Variants in KALRN observed in about 807,000 individuals in gnomAD.
The protein encoded by KALRN is kalirin RhoGEF kinase, also known as kalirin.
KALRN carries 70 observed loss-of-function variants against 353.7 expected under a neutral mutation model. The ratio of observed to expected loss-of-function variants is 0.20; its 90% CI spans 0.16 to 0.24. The LOEUF (loss-of-function observed/expected upper bound fraction) is 0.24, where lower values mean the gene tolerates loss of function less well. Among genes scored for constraint, KALRN ranks in the 10% least tolerant of loss-of-function variants. The probability of loss-of-function intolerance (pLI) is 1.00; values close to 1 mark genes in which losing one functional copy is unlikely to be tolerated. For synonymous variants in KALRN, 1,391 were observed against 1,434.8 expected, an observed-to-expected ratio of 0.97 and a Z score of 0.69; for missense variants, 2,791 against 3,756.7, an observed-to-expected ratio of 0.74 and a Z score of 6.72.
intron 1 of KALRN, among the ~76,000 whole-genome samples, chr3:124,155,736 ATTAC>A (rs1424598129): frequency 2.0e-5 from 3 of 152,198 alleles, no homozygotes; most frequent in African/African-American, 7.2e-5. Flanking sequence ...GAAAATGATT[ATTAC>A]TTTGTCTAAT....
At chr3:124,423,957 G>A (rs887319107) in intron 15 of KALRN, among the ~76,000 whole-genome samples, 36 of 152,326 alleles carry the variant, frequency 2.4e-4, no homozygotes, top group Non-Finnish European at 3.5e-4. Flanking sequence ...AAAGGTGGGG[G>A]TGAAGAAGTA....
At position 124,227,684 on chromosome 3, in the gene KALRN, T is replaced by G. The variant is rs865933027; in HGVS notation, c.74-306T>G. Among the ~76,000 whole-genome samples the G allele has an allele frequency of 1.3e-4, 16 of 120,004 alleles. No homozygotes were observed. The South Asian group carries it at 1.5e-3, about 11-fold the overall frequency. 78.7% of individuals were successfully genotyped at this position (120,004 alleles called of 152,430 possible). On this transcript the variant is annotated intron_variant, in intron 1 of 59. Transcript: ENST00000682506. ...GGCTGTTTTTTTTTTTTTTTTTTTT[T>G]TTTTTTTTTTTTTTTTTTTTTGCCC...
intron 37 of KALRN, among the ~76,000 whole-genome samples, chr3:124,646,025 A>G (rs1430411126): frequency 6.6e-6 from 1 of 151,776 alleles, no homozygotes; most frequent in Non-Finnish European, 1.5e-5. Flanking sequence ...TGGGAATCGG[A>G]CCCTGATCTC....
intron 33 of KALRN, among the ~76,000 whole-genome samples, chr3:124,530,902 A>ATAAG (rs1426212163): frequency 1.3e-5 from 2 of 152,192 alleles, no homozygotes; most frequent in Admixed American, 1.3e-4. Context: ...ATCTGTTGGG[A>ATAAG]TAAGCCAAGT....
At chr3:124,168,044 G>A (rs919839313) in intron 1 of KALRN, among the ~76,000 whole-genome samples, 23 of 152,134 alleles carry the variant, frequency 1.5e-4, no homozygotes, top group Non-Finnish European at 3.1e-4. Flanking sequence ...ACTTTGTGTT[G>A]GGAAGATCAT....
chr3:124,510,057 T>C lies in KALRN; in HGVS notation c.4935+13644T>C, dbSNP rs2065716761. On this transcript the variant is annotated intron_variant, in intron 33 of 59. Transcript: ENST00000682506. ...TATTTAGTGAAGCTATCAGGAGTGCTATATGGCTGGGTGTGTTCTGAGGTC... is the reference window on the plus strand; with the variant it reads ...TATTTAGTGAAGCTATCAGGAGTGCCATATGGCTGGGTGTGTTCTGAGGTC... Among the ~76,000 whole-genome samples the C allele has an allele frequency of 1.3e-5, 2 of 152,218 alleles. 1 individual carries two copies. The highest frequency in any genetic ancestry group is 4.1e-4 in the South Asian group (2 of 4,830).
intron 29 of KALRN, 87 bp downstream of exon 29, chr3:124,488,402 A>G: frequency 1.1e-6 from 1 of 881,072 alleles, no homozygotes; most frequent in Non-Finnish European, 1.9e-6. Context: ...GCATGAAGTT[A>G]GACAAGGTGC....
intron 9 of KALRN, among the ~76,000 whole-genome samples, chr3:124,344,368 C>T (rs2082067522): frequency 6.6e-6 from 1 of 152,234 alleles, no homozygotes; most frequent in African/African-American, 2.4e-5. Flanking sequence ...TGTTTCTCTG[C>T]TGCGCAGGAT....
chr3:124,708,389 T>C (rs900513973), intron 57 of KALRN, among the ~76,000 whole-genome samples: 1 of 152,206 alleles, frequency 6.6e-6, no homozygotes, highest in Non-Finnish European at 1.5e-5. Flanking sequence ...TAAAGGTGAA[T>C]ACTCTTGAAA....
intron 37 of KALRN, among the ~76,000 whole-genome samples, chr3:124,645,807 G>A (rs1403288674): frequency 1.3e-5 from 2 of 151,922 alleles, no homozygotes; most frequent in East Asian, 3.9e-4. Context: ...CATTACCTTT[G>A]CGTATATACC....
At chr3:124,415,614 A>G (rs193266355) in intron 14 of KALRN, among the ~76,000 whole-genome samples, 138 of 152,358 alleles carry the variant, frequency 9.1e-4, no homozygotes, top group Non-Finnish European at 1.6e-3. Context: ...TCAATAGTCT[A>G]AGGGTCAAAG....
At chr3:124,137,462 A>G (rs1245576718) in intron 1 of KALRN, among the ~76,000 whole-genome samples, 1 of 152,136 alleles carries the variant, frequency 6.6e-6, no homozygotes, top group African/African-American at 2.4e-5. Flanking sequence ...GGGACAGCTC[A>G]TTATGGGAGC....
At chr3:124,265,093 G>A (rs1024976448) in intron 4 of KALRN, among the ~76,000 whole-genome samples, 2 of 151,870 alleles carry the variant, frequency 1.3e-5, no homozygotes, top group African/African-American at 2.4e-5. Context: ...AGTATATAAC[G>A]ATCAAATCAG....
At chr3:124,364,023 A>G (rs1450302843) in intron 10 of KALRN, among the ~76,000 whole-genome samples, 1 of 152,214 alleles carries the variant, frequency 6.6e-6, no homozygotes, top group Admixed American at 6.5e-5. Context: ...CCCCACTTCA[A>G]GACAGCAAGG....
intron 1 of KALRN, among the ~76,000 whole-genome samples, chr3:124,055,098 G>A (rs2041406119): frequency 6.6e-6 from 1 of 152,182 alleles, no homozygotes; most frequent in South Asian, 2.1e-4. Context: ...GGGGAAGGGG[G>A]TTTGGATTCC....
intron 34 of KALRN, among the ~76,000 whole-genome samples, chr3:124,571,637 A>C (rs1265442436): frequency 6.6e-6 from 1 of 152,162 alleles, no homozygotes. Flanking sequence ...TCAGGTAATT[A>C]CCTTTGTTAA....
intron 5 of KALRN, among the ~76,000 whole-genome samples, chr3:124,280,088 G>A (rs952376526): frequency 1.3e-5 from 2 of 152,334 alleles, no homozygotes; most frequent in South Asian, 2.1e-4. Context: ...AGTGGACCAC[G>A]AGGAAAACTG....
chr3:124,429,113 C>T (rs1461674041), intron 15 of KALRN, among the ~76,000 whole-genome samples: 1 of 152,170 alleles, frequency 6.6e-6, no homozygotes, highest in Non-Finnish European at 1.5e-5. Flanking sequence ...AGCCACAGTC[C>T]ACCAGTGACA....
chr3:124,350,423 G>A (rs1400964868), intron 10 of KALRN, among the ~76,000 whole-genome samples: 1 of 152,206 alleles, frequency 6.6e-6, no homozygotes, highest in Admixed American at 6.5e-5. Context: ...ACAACACTGA[G>A]GCTTAGAAAG....
Sources: allele counts gnomAD v4.1 joint callset (sites outside exome capture counted in the v4.1 genomes callset), GRCh38; gene constraint gnomAD v4.1.1; transcripts MANE v1.5; gene names NCBI Gene and HGNC (gene_info 2026-07-23, HGNC 2026-07-21).